MARCHF1: variants seen among roughly 807,000 people sequenced by gnomAD.
The protein encoded by MARCHF1 is E3 ubiquitin-protein ligase MARCHF1.
Under a neutral mutation model 54.2 loss-of-function variants are expected in MARCHF1, and 40 were observed. The observed-to-expected ratio is 0.74, with a 90% CI of 0.57 to 0.96. MARCHF1 has a LOEUF of 0.96. MARCHF1 is among the 40% of genes least tolerant of loss of function. MARCHF1 has a pLI of 0.00. For missense variants in MARCHF1, 586 were observed against 656.5 expected (o/e 0.89, Z 1.17); for synonymous variants, 236 against 236.3 (o/e 1.00, Z 0.01).
intron 3 of MARCHF1, among the ~76,000 whole-genome samples, chr4:163,913,832 G>A (rs1196585462): frequency 6.6e-6 from 1 of 152,104 alleles, no homozygotes; most frequent in Non-Finnish European, 1.5e-5. Flanking sequence ...CACAAAGTTA[G>A]CATATCTTGG....
At position 164,344,980 on chromosome 4, in the gene MARCHF1, C is replaced by T. The variant is rs144668222; in HGVS notation, c.-323+38890G>A. On this transcript the variant is annotated intron_variant, in intron 1 of 9. Transcript: ENST00000514618. The stretch of plus-strand genomic sequence containing the variant: ...TGGCAAATTGTAATTAAATATTTCA[C>T]ACATGCTAAGCCACTATGCTTGTCA... Among the ~76,000 whole-genome samples the T allele has an allele frequency of 8.2e-3, 1,242 of 152,266 alleles. 9 individuals are homozygous for T. The highest frequency in any genetic ancestry group is 0.017 in the Middle Eastern group (5 of 294).
At chr4:163,927,697 C>T (rs1400576865) in intron 3 of MARCHF1, among the ~76,000 whole-genome samples, 3 of 151,734 alleles carry the variant, frequency 2.0e-5, no homozygotes, top group African/African-American at 7.2e-5. Flanking sequence ...CAGAAACTGT[C>T]CTCAATAAAG....
intron 1 of MARCHF1, among the ~76,000 whole-genome samples, chr4:164,371,793 A>C (rs931512044): frequency 2.0e-5 from 3 of 152,234 alleles, no homozygotes; most frequent in African/African-American, 7.2e-5. Context: ...TTTGTTGAAG[A>C]TAGAAACTGC....
intron 4 of MARCHF1, among the ~76,000 whole-genome samples, chr4:163,810,908 A>G (rs1024281643): frequency 1.3e-5 from 2 of 151,862 alleles, no homozygotes; most frequent in Non-Finnish European, 3.0e-5. Context: ...CCTTTAAGCA[A>G]TAGTGACTCA....
chr4:163,702,390 CATT>C (rs1289518905), intron 4 of MARCHF1, among the ~76,000 whole-genome samples: 1 of 152,110 alleles, frequency 6.6e-6, no homozygotes, highest in South Asian at 2.1e-4. Context: ...GATTTTGACA[CATT>C]ATTGTGTAGG....
At chr4:164,336,474 T>C (rs778165113) in intron 1 of MARCHF1, among the ~76,000 whole-genome samples, 4 of 152,228 alleles carry the variant, frequency 2.6e-5, no homozygotes, top group Non-Finnish European at 5.9e-5. Flanking sequence ...ATTTATTTTA[T>C]AATACATTGC....
In MARCHF1 at chr4:163,528,598, C is replaced by T; in HGVS notation, c.*150G>A. 1 of 754,246 alleles carries T rather than the reference C, an allele frequency of 1.3e-6. No homozygotes were observed. The highest frequency in any genetic ancestry group is 2.1e-6 in the Non-Finnish European group (1 of 478,938). 46.7% of individuals were successfully genotyped at this position (754,246 alleles called of 1,614,324 possible). On this transcript the variant is annotated 3_prime_UTR_variant, in exon 10 of 10. Transcript: ENST00000514618. The stretch of plus-strand genomic sequence containing the variant: ...GGGCATTTGGTCTGTTTGTTTTTCT[C>T]CTTTCCTCTTTGAACAAAGTCAGGA...
At chr4:164,033,232 C>A (rs1295244801) in intron 2 of MARCHF1, among the ~76,000 whole-genome samples, 2 of 149,872 alleles carry the variant, frequency 1.3e-5, no homozygotes, top group Non-Finnish European at 3.0e-5. Flanking sequence ...TTGCAGACAA[C>A]TAAAATTGGA....
At chr4:163,987,544 C>A (rs961518764) in intron 3 of MARCHF1, among the ~76,000 whole-genome samples, 1 of 152,144 alleles carries the variant, frequency 6.6e-6, no homozygotes, top group African/African-American at 2.4e-5. Context: ...GCTGCTCCCT[C>A]TGTCTCCAGC....
intron 2 of MARCHF1, among the ~76,000 whole-genome samples, chr4:164,072,704 TAAA>T (rs3029712): frequency 0.58 from 78,570 of 136,320 alleles, 22,421 homozygotes; most frequent in Non-Finnish European, 0.64. Context: ...TTTTCTCTAG[TAAA>T]AAAAAAAAAA....
In MARCHF1 at chr4:163,624,203, C is replaced by G. The variant is rs117491345; in HGVS notation, c.163-10810G>C. On this transcript the variant is annotated intron_variant, in intron 5 of 9. Transcript: ENST00000514618. ...CTGTGAAAGACAATGGCAAGTTCAG[C>G]TGAGCCAACTATCAACCGAGAATGC... Among the ~76,000 whole-genome samples, 62 of 152,276 alleles carry G rather than the reference C, an allele frequency of 4.1e-4. No homozygotes were observed. In the East Asian group the frequency reaches 0.011, roughly 28 times the overall value.
At chr4:163,623,251 CATT>C (rs370233893) in intron 5 of MARCHF1, among the ~76,000 whole-genome samples, 6 of 152,208 alleles carry the variant, frequency 3.9e-5, no homozygotes, top group African/African-American at 1.4e-4. Context: ...GACTAGGGAC[CATT>C]ATGCAAAGGA....
intron 8 of MARCHF1, among the ~76,000 whole-genome samples, chr4:163,550,049 A>G (rs1229386634): frequency 1.3e-5 from 2 of 152,164 alleles, no homozygotes; most frequent in Non-Finnish European, 2.9e-5. Context: ...TTGGGAGGCC[A>G]AGGCGGGCGG....
intron 2 of MARCHF1, among the ~76,000 whole-genome samples, chr4:164,010,291 G>T (rs535867844): frequency 6.0e-5 from 9 of 151,198 alleles, no homozygotes; most frequent in Non-Finnish European, 8.8e-5. Flanking sequence ...TAGAGATGGG[G>T]TTTCACCATG....
At chr4:163,799,605 C>T (rs866489277) in intron 4 of MARCHF1, among the ~76,000 whole-genome samples, 46 of 152,090 alleles carry the variant, frequency 3.0e-4, no homozygotes, top group South Asian at 2.1e-4. Context: ...AACAAGATTC[C>T]GGAGAAAAGT....
intron 4 of MARCHF1, among the ~76,000 whole-genome samples, chr4:163,707,364 G>T (rs1744979414): frequency 6.6e-6 from 1 of 151,866 alleles, no homozygotes; most frequent in Non-Finnish European, 1.5e-5. Flanking sequence ...CACAAGAGAG[G>T]CAACAGTAAG....
intron 4 of MARCHF1, among the ~76,000 whole-genome samples, chr4:163,749,799 C>T (rs1407748850): frequency 1.3e-5 from 2 of 151,926 alleles, no homozygotes; most frequent in East Asian, 3.9e-4. Context: ...TGTGGTGACT[C>T]ACACCTGTGA....
At chr4:163,960,656 G>A (rs1047393475) in intron 3 of MARCHF1, among the ~76,000 whole-genome samples, 3 of 151,880 alleles carry the variant, frequency 2.0e-5, no homozygotes, top group Non-Finnish European at 4.4e-5. Flanking sequence ...GTCTACTTGA[G>A]TGTGGAGGGT....
At chr4:163,870,314 G>T (rs1750142893) in intron 3 of MARCHF1, among the ~76,000 whole-genome samples, 1 of 151,822 alleles carries the variant, frequency 6.6e-6, no homozygotes, top group South Asian at 2.1e-4. Context: ...ATTTCAAAAG[G>T]TTTATCTTTC....
Sources: allele counts gnomAD v4.1 joint callset (sites outside exome capture counted in the v4.1 genomes callset), GRCh38; gene constraint gnomAD v4.1.1; transcripts MANE v1.5; gene names NCBI Gene and HGNC (gene_info 2026-07-23, HGNC 2026-07-21).